VRK3: variants seen among roughly 807,000 people sequenced by gnomAD.
VRK3 encodes the protein VRK serine/threonine kinase 3.
Under a neutral mutation model 60.4 loss-of-function variants are expected in VRK3, and 50 were observed. That is an observed-to-expected ratio of 0.83 (90% CI 0.66 to 1.05). The LOEUF is 1.05. VRK3 is among the 50% of genes least tolerant of loss of function. The pLI is 0.00. For missense variants in VRK3, 549 were observed against 585.3 expected (o/e 0.94, Z 0.64); for synonymous variants, 246 against 227.8 (o/e 1.08, Z -0.72).
chr19:50,019,139 G>T (rs181743), intron 2 of VRK3: 74,804 of 140,814 alleles, frequency 0.53, 22,352 homozygotes, highest in East Asian at 0.79. Context: ...CAGTCCGGCC[G>T]GGGAGAAAGA....
At chr19:49,983,782 G>C (rs866191983) in intron 12 of VRK3, among the ~76,000 whole-genome samples, 4 of 152,344 alleles carry the variant, frequency 2.6e-5, no homozygotes, top group Middle Eastern at 3.4e-3. Context: ...GGGCACCTTA[G>C]GGTGCCAGGA....
intron 7 of VRK3, 124 bp downstream of exon 7, chr19:49,997,380 G>A (rs2076724060): frequency 2.8e-6 from 3 of 1,057,710 alleles, no homozygotes; most frequent in Admixed American, 4.7e-5. Context: ...GGACACAGAT[G>A]GGAGCAAACC....
At chr19:50,024,293 G>A (rs1481146550) in intron 1 of VRK3, among the ~76,000 whole-genome samples, 2 of 152,108 alleles carry the variant, frequency 1.3e-5, no homozygotes, top group Non-Finnish European at 2.9e-5. Context: ...AGATCCAGGG[G>A]CAACTCTCCA....
chr19:50,006,012 G>A (rs559675086), intron 5 of VRK3, among the ~76,000 whole-genome samples: 5 of 149,372 alleles, frequency 3.3e-5, no homozygotes, highest in South Asian at 2.1e-4. Context: ...ATGAATTTTC[G>A]TGGTGGCTCA....
chr19:49,989,491 G>T, intron 11 of VRK3, 148 bp downstream of exon 11: 1 of 1,130,286 alleles, frequency 8.8e-7, no homozygotes, highest in Non-Finnish European at 1.2e-6. Context: ...CTTGCGGTCG[G>T]GACGCTGTCT....
At chr19:49,981,357 C>CT (rs1285357402) in intron 12 of VRK3, among the ~76,000 whole-genome samples, 1 of 152,154 alleles carries the variant, frequency 6.6e-6, no homozygotes, top group Non-Finnish European at 1.5e-5. Context: ...ATCATCCTGG[C>CT]TAACACGGTG....
intron 2 of VRK3, 24 bp from the exon 3 acceptor site, chr19:50,016,187 C>A: frequency 6.2e-7 from 1 of 1,612,774 alleles, no homozygotes; most frequent in Admixed American, 1.7e-5. Context: ...TGAACAAACA[C>A]AAAGTGAAAC....
intron 14 of VRK3, 68 bp downstream of exon 14, chr19:49,979,015 T>G (rs1444526173): frequency 1.3e-6 from 2 of 1,496,376 alleles, no homozygotes; most frequent in East Asian, 4.6e-5. Context: ...AAGTGTCTCC[T>G]GGAGCCTGGG....
In VRK3 at chr19:49,997,523, C is replaced by G. The variant is rs993267854; in HGVS notation, c.660G>C (p.Arg220=). The G allele has an allele frequency of 1.2e-6, 2 of 1,614,000 alleles. No individual in the cohort carries two copies. Among genetic ancestry groups the G allele is most frequent in the African/African-American group, 2.7e-5 (2 of 75,044 alleles). The change falls in exon 7 of 15, where the codon CGG becomes CGC. Residue 220 remains arginine, a synonymous_variant. Coordinates refer to ENST00000316763, the MANE Select transcript of VRK3 (RefSeq NM_016440.4). Reference sequence around the variant, plus strand: ...AGGTACCTTGCAGAGGCTTGGCGGCCCGCTGGAAGAAGTTCTGCTCATTGA... The same window carrying G: ...AGGTACCTTGCAGAGGCTTGGCGGCGCGCTGGAAGAAGTTCTGCTCATTGA... ...RLFNEQNFFQ[R]AAKPLQVNKW... is the part of the protein sequence containing the mutation.
Position 49,977,667 on chromosome 19 carries a change from C to T in VRK3, c.*12-883G>A, listed in dbSNP as rs143488220. On this transcript the variant is annotated intron_variant, in intron 14 of 14. Coordinates refer to ENST00000316763, the MANE Select transcript of VRK3 (RefSeq NM_016440.4). The stretch of plus-strand genomic sequence containing the variant: ...CCCCGTGGTCAGTCTCACCCGGGAC[C>T]GAAGGTTTGGAGGAGGCTGCTGGGG... 3.9e-5 allele frequency among the ~76,000 whole-genome samples: 6 copies of T among 152,168 alleles called. No individual in the cohort carries two copies. The South Asian group carries it at 6.2e-4, about 16-fold the overall frequency.
intron 5 of VRK3, among the ~76,000 whole-genome samples, chr19:50,004,896 C>G (rs570058356): frequency 6.6e-6 from 1 of 151,474 alleles, no homozygotes; most frequent in Non-Finnish European, 1.5e-5. Context: ...GGTGATGGAG[C>G]GAGACTCCAT....
intron 9 of VRK3, among the ~76,000 whole-genome samples, chr19:49,993,217 T>A (rs73578673): frequency 4.3e-4 from 65 of 152,302 alleles, no homozygotes; most frequent in African/African-American, 1.5e-3. Flanking sequence ...TCTTAGCTGA[T>A]GACAAACTCA....
In VRK3 at chr19:50,009,257, T is replaced by A. The variant is rs1160386456; in HGVS notation, c.268A>T (p.Ser90Cys). ...GDSSESEDTL[S>C]SSERSKGSGS... ...TTACCTTTGGATCTCTCAGAGGAACTCAGAGTATCTTCAGACTCAGAACTG... is the reference window on the plus strand; with the variant it reads ...TTACCTTTGGATCTCTCAGAGGAACACAGAGTATCTTCAGACTCAGAACTG... The change falls in exon 4 of 15, where the codon AGT (serine) becomes TGT (cysteine). Residue 90 changes from serine (S) to cysteine (C), a missense_variant. Transcript: ENST00000316763. 3 of 1,614,150 alleles carry A rather than the reference T, an allele frequency of 1.9e-6. No homozygotes were observed. The highest frequency in any genetic ancestry group is 2.5e-6 in the Non-Finnish European group (3 of 1,180,006).
intron 10 of VRK3, among the ~76,000 whole-genome samples, chr19:49,991,518 TACACACACACACACACGCAC>T (rs1348041730): frequency 1.3e-5 from 2 of 150,718 alleles, no homozygotes; most frequent in African/African-American, 4.9e-5. Flanking sequence ...AATAAATCTC[TACACACACACACACACGCAC>T]ACACACACAC....
At chr19:50,019,796 C>A (rs1055767746) in intron 2 of VRK3, among the ~76,000 whole-genome samples, 2 of 146,106 alleles carry the variant, frequency 1.4e-5, no homozygotes, top group Admixed American at 1.4e-4. Context: ...CCTTGGCTTC[C>A]CAAAGTGCTG....
chr19:50,015,932 G>A, intron 3 of VRK3, 92 bp downstream of exon 3: 1 of 1,563,742 alleles, frequency 6.4e-7, no homozygotes, highest in Non-Finnish European at 8.7e-7. Flanking sequence ...GACAGGGTCA[G>A]ACAGGCTGCA....
chr19:49,981,793 GAC>G (rs150610662), intron 12 of VRK3: 18,479 of 899,556 alleles, frequency 0.021, no homozygotes, highest in East Asian at 0.039. Flanking sequence ...CACACACACA[GAC>G]ACACACACAC....
chr19:49,979,035 G>A (rs1316740934), intron 14 of VRK3, 48 bp downstream of exon 14: 18 of 1,533,504 alleles, frequency 1.2e-5, no homozygotes, highest in South Asian at 3.8e-5. Context: ...GGCAGGGCTC[G>A]GGTGAGGGCA....
rs141318670 is a variant in VRK3, at chr19:50,005,009, C to T, written c.547+2560G>A. Among the ~76,000 whole-genome samples the T allele has an allele frequency of 2.0e-4, 30 of 148,676 alleles. 5 individuals are homozygous for T. The highest frequency in any genetic ancestry group is 7.6e-4 in the African/African-American group (29 of 38,098). On this transcript the variant is annotated intron_variant, in intron 5 of 14. Coordinates refer to ENST00000316763, the MANE Select transcript of VRK3 (RefSeq NM_016440.4). ...TGGTCTTGGTCACACTCTTTCCCCT[C>T]TCCCTCACCTTTCCTGGCCCTGCCT...
Sources: gnomAD v4.1 joint callset for allele counts (sites outside exome capture counted in the v4.1 genomes callset) on GRCh38, gnomAD v4.1.1 for gene constraint, MANE v1.5 for transcripts, NCBI Gene and HGNC (gene_info 2026-07-23, HGNC 2026-07-21) for gene names.